Variants in PARD3B observed in about 807,000 individuals in gnomAD.
The protein encoded by PARD3B is partitioning defective 3 homolog B.
Under a neutral mutation model 130.2 loss-of-function variants are expected in PARD3B, and 103 were observed. The observed-to-expected ratio is 0.79, with a 90% CI of 0.67 to 0.93. The LOEUF (loss-of-function observed/expected upper bound fraction) is 0.93, where lower values mean the gene tolerates loss of function less well. Ranked by LOEUF, PARD3B falls within the 40% of genes least tolerant of loss-of-function variation. PARD3B has a pLI of 0.00. For synonymous variants in PARD3B, 583 were observed against 553.2 expected (o/e 1.05, Z -0.76); for missense variants, 1,609 against 1,499.2 (o/e 1.07, Z -1.21).
chr2:204,786,519 A>G (rs2042015241), intron 2 of PARD3B, among the ~76,000 whole-genome samples: 1 of 148,150 alleles, frequency 6.7e-6, no homozygotes, highest in African/African-American at 2.6e-5. Flanking sequence ...ATTGACTGCC[A>G]TCTCATCGGA....
rs557334078 is a variant in PARD3B at position 204,882,009 on chromosome 2, G to A, written c.223-83143G>A. On this transcript the variant is annotated intron_variant, in intron 2 of 22. Transcript: ENST00000406610. ...CTGAAGCATCACTAAGACACATCCTGGCGTCAGGCAGCACAGTCGCCTTCT... is the reference window on the plus strand; with the variant it reads ...CTGAAGCATCACTAAGACACATCCTAGCGTCAGGCAGCACAGTCGCCTTCT... 1.1e-4 allele frequency among the ~76,000 whole-genome samples: 16 copies of A among 152,276 alleles called. No individual in the cohort carries two copies. The East Asian group carries it at 3.1e-3, about 29-fold the overall frequency.
At chr2:204,654,815 C>T (rs1459537985) in intron 1 of PARD3B, among the ~76,000 whole-genome samples, 2 of 152,076 alleles carry the variant, frequency 1.3e-5, no homozygotes, top group African/African-American at 4.8e-5. Context: ...TATTTCTGGG[C>T]ACAGTGCCCA....
intron 4 of PARD3B, among the ~76,000 whole-genome samples, chr2:205,075,491 A>G (rs1053343853): frequency 1.3e-5 from 2 of 152,054 alleles, no homozygotes; most frequent in Admixed American, 1.3e-4. Context: ...AGGAAAATCC[A>G]AGATCATATA....
At chr2:204,883,419 T>TATATATATATAAA (rs1559226293) in intron 2 of PARD3B, among the ~76,000 whole-genome samples, 140 of 105,490 alleles carry the variant, frequency 1.3e-3, no homozygotes, top group African/African-American at 6.1e-3. Context: ...ATATATATAA[T>TATATATATATAAA]ATATATATAT....
chr2:205,050,187 A>G (rs1041635547), intron 4 of PARD3B, among the ~76,000 whole-genome samples: 1 of 148,256 alleles, frequency 6.7e-6, no homozygotes, highest in Non-Finnish European at 1.5e-5. Flanking sequence ...ATTAATATAT[A>G]TTAATATATA....
chr2:204,559,699 A>G (rs1223803846), intron 1 of PARD3B, among the ~76,000 whole-genome samples: 2 of 152,246 alleles, frequency 1.3e-5, no homozygotes, highest in African/African-American at 2.4e-5. Context: ...TATATACCCA[A>G]AGGATTATAA....
intron 20 of PARD3B, among the ~76,000 whole-genome samples, chr2:205,471,242 A>G (rs1326957540): frequency 6.6e-6 from 1 of 151,600 alleles, no homozygotes; most frequent in Admixed American, 6.6e-5. Flanking sequence ...AACCAGTACC[A>G]CTTTTTCATA....
At chr2:205,435,980 CT>C (rs1165248585) in intron 19 of PARD3B, among the ~76,000 whole-genome samples, 1 of 152,066 alleles carries the variant, frequency 6.6e-6, no homozygotes, top group African/African-American at 2.4e-5. Context: ...AATTTATTTT[CT>C]CATAGTTCAA....
chr2:205,603,461 CCTA>C (rs1321161968), intron 22 of PARD3B, among the ~76,000 whole-genome samples: 1 of 152,132 alleles, frequency 6.6e-6, no homozygotes, highest in East Asian at 1.9e-4. Context: ...GTTAAAGTCT[CCTA>C]CTATTATCAT....
chr2:204,572,961 C>T (rs2032078744), intron 1 of PARD3B, among the ~76,000 whole-genome samples: 1 of 152,166 alleles, frequency 6.6e-6, no homozygotes, highest in African/African-American at 2.4e-5. Flanking sequence ...TTCAGAAGGC[C>T]TCCTGGAAGA....
chr2:204,706,598 C>T (rs1292651045), intron 2 of PARD3B, among the ~76,000 whole-genome samples: 1 of 151,704 alleles, frequency 6.6e-6, no homozygotes. Flanking sequence ...TCGAGTTGGA[C>T]ATGAGGAAAG....
Position 205,279,549 on chromosome 2 carries a change from C to G in PARD3B, c.2186-20981C>G, listed in dbSNP as rs137892171. Among the ~76,000 whole-genome samples, 1,035 of 152,216 alleles carry G rather than the reference C, an allele frequency of 6.8e-3. 15 individuals carry two copies. The highest frequency in any genetic ancestry group is 0.023 in the African/African-American group (965 of 41,540). ...AAGGGGAAGCTAAATGGATGTCATA[C>G]CATTTAGAACAGAGTTTCTCCTTCA... On this transcript the variant is annotated intron_variant, in intron 16 of 22. Transcript: ENST00000406610.
intron 1 of PARD3B, among the ~76,000 whole-genome samples, chr2:204,557,095 C>G (rs533604050): frequency 1.2e-4 from 19 of 152,052 alleles, no homozygotes; most frequent in African/African-American, 4.6e-4. Flanking sequence ...GATGCCCTCT[C>G]TGCCATCTTC....
At chr2:205,248,380 T>TTGGTGGTGG (rs751935440) in intron 16 of PARD3B, among the ~76,000 whole-genome samples, 76 of 145,354 alleles carry the variant, frequency 5.2e-4, no homozygotes, top group East Asian at 3.2e-3. Flanking sequence ...TCATTGGGAT[T>TTGGTGGTGG]TGGTGGTGGT....
intron 19 of PARD3B, among the ~76,000 whole-genome samples, chr2:205,410,052 AG>A (rs367988207): frequency 1.3e-4 from 20 of 152,312 alleles, no homozygotes; most frequent in African/African-American, 4.8e-4. Flanking sequence ...TCAGAGATAC[AG>A]GTTGAATATC....
intron 15 of PARD3B, among the ~76,000 whole-genome samples, chr2:205,212,260 G>A (rs2037684703): frequency 6.6e-6 from 1 of 152,092 alleles, no homozygotes; most frequent in South Asian, 2.1e-4. Context: ...CGGAAATGCT[G>A]ACAAAGTTAA....
intron 4 of PARD3B, among the ~76,000 whole-genome samples, chr2:205,053,456 G>T (rs957462938): frequency 6.6e-6 from 1 of 151,852 alleles, no homozygotes; most frequent in Admixed American, 6.6e-5. Flanking sequence ...GGCCAACATG[G>T]TGAGACCCCG....
chr2:205,222,484 T>G (rs540196828), intron 15 of PARD3B, among the ~76,000 whole-genome samples: 2 of 152,328 alleles, frequency 1.3e-5, no homozygotes, highest in South Asian at 4.1e-4. Context: ...TAACACATAT[T>G]GAAATGCTTA....
intron 3 of PARD3B, among the ~76,000 whole-genome samples, chr2:204,997,901 T>C (rs1479912135): frequency 6.7e-6 from 1 of 149,346 alleles, no homozygotes; most frequent in Non-Finnish European, 1.5e-5. Context: ...TTTACAGTAA[T>C]GTAGATATTT....
Sources: gnomAD v4.1 joint callset for allele counts (sites outside exome capture counted in the v4.1 genomes callset) on GRCh38, gnomAD v4.1.1 for gene constraint, MANE v1.5 for transcripts, NCBI Gene and HGNC (gene_info 2026-07-23, HGNC 2026-07-21) for gene names.